SLC25A21: variants seen among roughly 807,000 people sequenced by gnomAD.
The protein encoded by SLC25A21 is solute carrier family 25 member 21, also known as mitochondrial 2-oxodicarboxylate carrier.
SLC25A21 carries 47 observed loss-of-function variants against 43.8 expected under a neutral mutation model. The ratio of observed to expected loss-of-function variants is 1.07; its 90% CI spans 0.85 to 1.37. SLC25A21 has a LOEUF of 1.37. Among genes scored for constraint, SLC25A21 ranks in the 40% most tolerant of loss-of-function variants. The probability of loss-of-function intolerance (pLI) is 0.00; values close to 1 mark genes in which losing one functional copy is unlikely to be tolerated. For missense variants in SLC25A21, 352 were observed against 350.2 expected (o/e 1.00, Z -0.04); for synonymous variants, 131 against 121.3 (o/e 1.08, Z -0.52).
chr14:36,930,883 C>T (rs1892268130), intron 1 of SLC25A21, among the ~76,000 whole-genome samples: 1 of 152,236 alleles, frequency 6.6e-6, no homozygotes, highest in African/African-American at 2.4e-5. Flanking sequence ...TTAAGTATTT[C>T]CAGTATTTGC....
chr14:36,793,985 T>C (rs1048909684), intron 3 of SLC25A21, among the ~76,000 whole-genome samples: 13 of 151,024 alleles, frequency 8.6e-5, no homozygotes, highest in African/African-American at 3.2e-4. Flanking sequence ...AACACATTTA[T>C]TTTATTGGGC....
At chr14:36,750,370 T>C (rs537984426) in intron 3 of SLC25A21, among the ~76,000 whole-genome samples, 1 of 152,156 alleles carries the variant, frequency 6.6e-6, no homozygotes, top group East Asian at 1.9e-4. Context: ...AATGAAGGCA[T>C]TTTTACTCAC....
At chr14:37,145,143 G>C (rs1963640373) in intron 1 of SLC25A21, among the ~76,000 whole-genome samples, 1 of 152,078 alleles carries the variant, frequency 6.6e-6, no homozygotes, top group Non-Finnish European at 1.5e-5. Context: ...TTATGGGTAA[G>C]GCACAGAGAT....
chr14:37,012,964 G>A (rs557362163), intron 1 of SLC25A21, among the ~76,000 whole-genome samples: 1 of 152,330 alleles, frequency 6.6e-6, no homozygotes, highest in African/African-American at 2.4e-5. Flanking sequence ...TTAGAATTCG[G>A]AGAGCATGGT....
intron 1 of SLC25A21, among the ~76,000 whole-genome samples, chr14:37,034,344 A>G (rs1168652623): frequency 6.6e-6 from 1 of 152,144 alleles, no homozygotes; most frequent in African/African-American, 2.4e-5. Context: ...TAGAGAGAAT[A>G]AACCCACTAT....
intron 1 of SLC25A21, among the ~76,000 whole-genome samples, chr14:36,947,920 T>C (rs1234591512): frequency 6.6e-6 from 1 of 152,222 alleles, no homozygotes; most frequent in Non-Finnish European, 1.5e-5. Flanking sequence ...GATATGTATG[T>C]GGAAATAAAT....
intron 3 of SLC25A21, among the ~76,000 whole-genome samples, chr14:36,812,275 T>C (rs1263081739): frequency 2.0e-5 from 3 of 152,104 alleles, no homozygotes; most frequent in Non-Finnish European, 2.9e-5. Context: ...TGATTTATAA[T>C]GTATTTGAGA....
chr14:36,845,703 A>C (rs1889520448), intron 2 of SLC25A21, among the ~76,000 whole-genome samples: 1 of 152,256 alleles, frequency 6.6e-6, no homozygotes, highest in African/African-American at 2.4e-5. Context: ...TTCAACAAAT[A>C]GGACTTGCTA....
intron 1 of SLC25A21, among the ~76,000 whole-genome samples, chr14:37,033,763 G>C (rs1961268700): frequency 6.6e-6 from 1 of 152,164 alleles, no homozygotes. Flanking sequence ...ACTGGGAAGA[G>C]GGTACGTGGA....
intron 1 of SLC25A21, among the ~76,000 whole-genome samples, chr14:37,001,744 C>T (rs1164940709): frequency 6.6e-6 from 1 of 152,082 alleles, no homozygotes; most frequent in East Asian, 1.9e-4. Flanking sequence ...AGAGGGAAGG[C>T]AAACATACAA....
At chr14:37,139,921 T>A (rs1396139914) in intron 1 of SLC25A21, among the ~76,000 whole-genome samples, 1 of 152,210 alleles carries the variant, frequency 6.6e-6, no homozygotes, top group East Asian at 1.9e-4. Flanking sequence ...CAATGCTTAA[T>A]CATCAAAGCA....
intron 1 of SLC25A21, among the ~76,000 whole-genome samples, chr14:36,920,002 GA>G (rs1891937138): frequency 2.0e-5 from 3 of 151,954 alleles, no homozygotes; most frequent in African/African-American, 7.2e-5. Flanking sequence ...CTTTTCCTTT[GA>G]TTGCTAATTT....
At chr14:37,033,052 A>G (rs1961253658) in intron 1 of SLC25A21, among the ~76,000 whole-genome samples, 1 of 152,212 alleles carries the variant, frequency 6.6e-6, no homozygotes, top group Non-Finnish European at 1.5e-5. Flanking sequence ...GTAGATTCAC[A>G]TTGTTGTGCA....
At chr14:36,691,675 G>C (rs1420808146) in intron 7 of SLC25A21, among the ~76,000 whole-genome samples, 1 of 152,110 alleles carries the variant, frequency 6.6e-6, no homozygotes, top group Non-Finnish European at 1.5e-5. Flanking sequence ...GCAATATAGT[G>C]AGACTGTCTT....
intron 1 of SLC25A21, among the ~76,000 whole-genome samples, chr14:36,914,226 A>T (rs1026561520): frequency 6.6e-6 from 1 of 152,240 alleles, no homozygotes; most frequent in Non-Finnish European, 1.5e-5. Context: ...TTTAATCACC[A>T]TAACGAAAAT....
At chr14:36,741,445 G>A (rs913307858) in intron 3 of SLC25A21, among the ~76,000 whole-genome samples, 2 of 152,114 alleles carry the variant, frequency 1.3e-5, no homozygotes, top group Non-Finnish European at 2.9e-5. Flanking sequence ...CTGTGAACAA[G>A]ACATTTTTCC....
chr14:36,959,511 G>A (rs560935170), intron 1 of SLC25A21, among the ~76,000 whole-genome samples: 9 of 152,154 alleles, frequency 5.9e-5, no homozygotes, highest in South Asian at 4.2e-4. Flanking sequence ...CATTTTCCAG[G>A]GCCTGAGGGT....
At chr14:36,861,450 A>C (rs538857641) in intron 2 of SLC25A21, among the ~76,000 whole-genome samples, 39 of 152,332 alleles carry the variant, frequency 2.6e-4, no homozygotes, top group Middle Eastern at 3.4e-3. Flanking sequence ...TTCAGCTCAC[A>C]GTTAGAGTTT....
intron 3 of SLC25A21, among the ~76,000 whole-genome samples, chr14:36,758,043 T>C (rs1306865441): frequency 6.6e-6 from 1 of 152,086 alleles, no homozygotes; most frequent in Non-Finnish European, 1.5e-5. Context: ...AGCAGAAAAG[T>C]GAATATGCAG....
Sources: allele counts gnomAD v4.1 joint callset (sites outside exome capture counted in the v4.1 genomes callset), GRCh38; gene constraint gnomAD v4.1.1; transcripts MANE v1.5; gene names NCBI Gene and HGNC (gene_info 2026-07-23, HGNC 2026-07-21).